LYVE1: variants seen among roughly 807,000 people sequenced by gnomAD.
The protein encoded by LYVE1 is lymphatic vessel endothelial hyaluronan receptor 1, also known as lymphatic vessel endothelial hyaluronic acid receptor 1.
Under a neutral mutation model 31.5 loss-of-function variants are expected in LYVE1, and 29 were observed. The observed-to-expected ratio is 0.92, with a 90% CI of 0.69 to 1.26. The LOEUF is 1.26. Ranked by LOEUF, LYVE1 falls within the 50% of genes most tolerant of loss-of-function variation. The pLI is 0.00. For synonymous variants in LYVE1, 134 were observed against 139.4 expected, an observed-to-expected ratio of 0.96 and a Z score of 0.27; for missense variants, 376 against 380.2, an observed-to-expected ratio of 0.99 and a Z score of 0.09.
At position 10,563,973 on chromosome 11, in the gene LYVE1, G is replaced by A. The variant is rs573107264; in HGVS notation, c.364C>T (p.Arg122Ter). ...TTGTAACAATAGGCTGCAAACTGTCGGCTCACTGGAACCTTCCAAATCAGG... is the reference window on the plus strand; with the variant it reads ...TTGTAACAATAGGCTGCAAACTGTCAGCTCACTGGAACCTTCCAAATCAGG... Reference protein sequence around the residue: ...GVLIWKVPVSRQFAAYCYNSS... With the variant: ...GVLIWKVPVS The change falls in exon 3 of 6, where the codon CGA (arginine) becomes TGA (stop). Residue 122 changes from arginine to a stop codon, truncating the protein, a stop_gained. Transcript: ENST00000256178. LOFTEE classifies it high-confidence loss of function. 19 of 1,614,114 alleles carry A rather than the reference G, an allele frequency of 1.2e-5. No individual in the cohort carries two copies. Among genetic ancestry groups the A allele is most frequent in the African/African-American group, 4.0e-5 (3 of 75,014 alleles).
Position 10,558,993 on chromosome 11 carries a change from G to C in LYVE1, c.*118C>G, listed in dbSNP as rs112264167. The C allele has an allele frequency of 6.1e-3, 5,591 of 911,264 alleles. 31 individuals are homozygous for C. Among genetic ancestry groups the C allele is most frequent in the Non-Finnish European group, 8.5e-3 (4,979 of 586,202 alleles). The allele number at this position is 911,264 out of a possible 1,614,324, so 56.4% of individuals were successfully genotyped here. A position where few individuals can be genotyped will look rare whatever the true frequency, so the allele number is the denominator to read the frequency against. ...GGCAGTCCTGAGCTGATTCCAGTTA[G>C]GAACCAAGGGTGGACTTTCTTCTTT... On this transcript the variant is annotated 3_prime_UTR_variant, in exon 6 of 6. Coordinates refer to ENST00000256178, the MANE Select transcript of LYVE1 (RefSeq NM_006691.4).
intron 3 of LYVE1, among the ~76,000 whole-genome samples, 181 bp downstream of exon 3, chr11:10,563,755 CCTAA>C (rs1274586470): frequency 6.6e-6 from 1 of 152,168 alleles, no homozygotes; most frequent in Non-Finnish European, 1.5e-5. Context: ...TTATATCTCT[CCTAA>C]CTTTTTCCTT....
At position 10,564,046 on chromosome 11, in the gene LYVE1, G is replaced by T; in HGVS notation, c.291C>A (p.Ile97=). Residue 97 remains isoleucine, a synonymous_variant, in exon 3 of 6, where the codon ATC becomes ATA. Coordinates refer to ENST00000256178, the MANE Select transcript of LYVE1 (RefSeq NM_006691.4). ...ACTTGGGGTTTGGGCTAATCCTAGA[G>T]ATGACCACGAATCCATCTCCAACCC... ...YGWVGDGFVV[I]SRISPNPKCG... is the part of the protein sequence containing the mutation. 2 of 1,614,144 alleles carry T rather than the reference G, an allele frequency of 1.2e-6. No individual in the cohort carries two copies. The highest frequency in any genetic ancestry group is 1.7e-6 in the Non-Finnish European group (2 of 1,180,018).
intron 3 of LYVE1, among the ~76,000 whole-genome samples, chr11:10,562,026 G>C (rs1053710367): frequency 3.3e-5 from 5 of 152,096 alleles, no homozygotes; most frequent in Admixed American, 2.0e-4. Context: ...AAATACATGG[G>C]ATGGGAGTAC....
chr11:10,560,090 A>G (rs1257656092), intron 4 of LYVE1, among the ~76,000 whole-genome samples, 196 bp from the exon 5 acceptor site: 5 of 152,142 alleles, frequency 3.3e-5, no homozygotes, highest in African/African-American at 1.2e-4. Context: ...TCACACTCTC[A>G]ATTCTATCAG....
At chr11:10,566,754 C>T (rs369887514) in intron 1 of LYVE1, among the ~76,000 whole-genome samples, 6 of 152,022 alleles carry the variant, frequency 3.9e-5, no homozygotes, top group African/African-American at 9.7e-5. Flanking sequence ...CTGGCTGTTG[C>T]GACATCAGGC....
At chr11:10,560,172 AAG>A (rs1431344124) in intron 4 of LYVE1, among the ~76,000 whole-genome samples, 1 of 152,236 alleles carries the variant, frequency 6.6e-6, no homozygotes, top group East Asian at 1.9e-4. Flanking sequence ...CTGCCTGAGA[AAG>A]AGATGACTAG....
chr11:10,560,786 A>T lies in LYVE1; in HGVS notation c.412T>A (p.Ser138Thr). 6.2e-7 allele frequency: 1 copy of T among 1,610,266 alleles called. No individual in the cohort carries two copies. Among genetic ancestry groups the T allele is most frequent in the Non-Finnish European group, 8.5e-7 (1 of 1,176,982 alleles). ...GTGGTGATAATTTCTGGAATGCACG[A>T]GTTAGTCCAAGTATCTGTTGGGATA... Reference protein sequence around the residue: ...CYNSSDTWTNSCIPEIITTKD... With the variant: ...CYNSSDTWTNTCIPEIITTKD... Residue 138 changes from serine (S) to threonine (T), a missense_variant, in exon 4 of 6, where the codon TCG (serine) becomes ACG (threonine). Ser to Thr is a moderately conservative substitution (Grantham distance 58, BLOSUM62 1). Transcript: ENST00000256178.
At chr11:10,567,666 A>G (rs187739563) in intron 1 of LYVE1, among the ~76,000 whole-genome samples, 12 of 152,250 alleles carry the variant, frequency 7.9e-5, no homozygotes, top group Non-Finnish European at 1.5e-4. Flanking sequence ...TGTGGTTACA[A>G]TTTTTTTGCC....
chr11:10,564,456 C>A, intron 1 of LYVE1, 82 bp from the exon 2 acceptor site: 11 of 1,293,804 alleles, frequency 8.5e-6, no homozygotes, highest in Non-Finnish European at 1.1e-5. Context: ...CAGAGTATAT[C>A]GTCCTGATGC....
chr11:10,568,160 C>G (rs1370894178), intron 1 of LYVE1, among the ~76,000 whole-genome samples: 1 of 152,120 alleles, frequency 6.6e-6, no homozygotes, highest in East Asian at 1.9e-4. Flanking sequence ...ACCACCCATA[C>G]AAAAAAGAGT....
chr11:10,568,333 T>C, intron 1 of LYVE1, 115 bp downstream of exon 1: 3 of 950,904 alleles, frequency 3.2e-6, no homozygotes, highest in Middle Eastern at 2.8e-4. Context: ...TACCACCAAT[T>C]AGACCTGCTG....
chr11:10,558,854 A>G lies in LYVE1; in HGVS notation c.*257T>C, dbSNP rs555530947. Reference sequence around the variant, plus strand: ...TCCTTTCTCCCAGTGGGATATTATTAGGACATAGCCAGGCTAGAAAGGCCG... The same window carrying G: ...TCCTTTCTCCCAGTGGGATATTATTGGGACATAGCCAGGCTAGAAAGGCCG... On this transcript the variant is annotated 3_prime_UTR_variant, in exon 6 of 6. Coordinates refer to ENST00000256178, the MANE Select transcript of LYVE1 (RefSeq NM_006691.4). 4.0e-4 allele frequency: 168 copies of G among 422,464 alleles called. No homozygotes were observed. The highest frequency in any genetic ancestry group is 4.0e-4 in the Non-Finnish European group (97 of 239,708). The allele number at this position is 422,464 out of a possible 1,614,324, so 26.2% of individuals were successfully genotyped here.
chr11:10,562,942 GTTTC>G (rs1356829151), intron 3 of LYVE1, among the ~76,000 whole-genome samples: 9 of 115,352 alleles, frequency 7.8e-5, no homozygotes, highest in African/African-American at 1.8e-4. Flanking sequence ...TTTGAACTCG[GTTTC>G]TTTTTTTTTT....
At chr11:10,567,427 C>T (rs183013219) in intron 1 of LYVE1, among the ~76,000 whole-genome samples, 50 of 152,216 alleles carry the variant, frequency 3.3e-4, no homozygotes, top group Non-Finnish European at 6.9e-4. Flanking sequence ...AATAGTCTCC[C>T]CAGAGGATTT....
In LYVE1 at chr11:10,557,705, C is replaced by T. The variant is rs928716065; in HGVS notation, c.*1406G>A. 3.3e-5 allele frequency: 5 copies of T among 152,164 alleles called. No homozygotes were observed. The highest frequency in any genetic ancestry group is 1.2e-4 in the African/African-American group (5 of 41,428). 9.4% of individuals were successfully genotyped at this position (152,164 alleles called of 1,614,324 possible). On this transcript the variant is annotated 3_prime_UTR_variant, in exon 6 of 6. Transcript: ENST00000256178. ...CCAACTCAAAATAAAATGTTTGGAG[C>T]ATGAATAGCCCCATATGATATATGC...
chr11:10,558,187 T>C lies in LYVE1; in HGVS notation c.*924A>G, dbSNP rs546134265. ...CTATGTGCAATTTTTTGAGGAATAA[T>C]ATTCAATTACAGAGTGTAATACCTT... On this transcript the variant is annotated 3_prime_UTR_variant, in exon 6 of 6. Coordinates refer to ENST00000256178, the MANE Select transcript of LYVE1 (RefSeq NM_006691.4). 1 of 152,338 alleles carries C rather than the reference T, an allele frequency of 6.6e-6. No individual in the cohort carries two copies. The highest frequency in any genetic ancestry group is 1.5e-5 in the Non-Finnish European group (1 of 68,026). 9.4% of individuals were successfully genotyped at this position (152,338 alleles called of 1,614,324 possible). A position where few individuals can be genotyped will look rare whatever the true frequency, so the allele number is the denominator to read the frequency against.
At chr11:10,563,913 C>G in intron 3 of LYVE1, 27 bp downstream of exon 3, 1 of 1,613,830 alleles carries the variant, frequency 6.2e-7, no homozygotes, top group Admixed American at 1.7e-5. Context: ...GAGAATGCCA[C>G]GTGGAAAGGT....
rs202234918 is a variant in LYVE1, at chr11:10,564,263, A to G, written c.197T>C (p.Leu66Pro). Residue 66 changes from leucine to proline, a missense_variant, in exon 2 of 6, where the codon CTA (leucine) becomes CCA (proline). Leu to Pro is a moderately conservative substitution (Grantham distance 98). Coordinates refer to ENST00000256178, the MANE Select transcript of LYVE1 (RefSeq NM_006691.4). ...EAKEACRLLG[L>P]SLAGKDQVET... is the part of the protein sequence containing the mutation. ...AACTTGGTCCTTGCCGGCCAAACTT[A>G]GTCCCAGCAGCCTACAGGCCTCCTT... 4.3e-6 allele frequency: 7 copies of G among 1,614,104 alleles called. No individual in the cohort carries two copies. Among genetic ancestry groups the G allele is most frequent in the Non-Finnish European group, 5.1e-6 (6 of 1,180,040 alleles).
Sources: allele counts gnomAD v4.1 joint callset (sites outside exome capture counted in the v4.1 genomes callset), GRCh38; gene constraint gnomAD v4.1.1; transcripts MANE v1.5; gene names NCBI Gene and HGNC (gene_info 2026-07-23, HGNC 2026-07-21).